Variants in TEKT5 observed in about 807,000 individuals in gnomAD.
TEKT5 encodes the protein tektin 5.
TEKT5 carries 52 observed loss-of-function variants against 48.7 expected under a neutral mutation model. The observed-to-expected ratio is 1.07, with a 90% confidence interval of 0.86 to 1.35. The LOEUF (loss-of-function observed/expected upper bound fraction) is 1.35, where lower values mean the gene tolerates loss of function less well. Ranked by LOEUF, TEKT5 falls within the 40% of genes most tolerant of loss-of-function variation. TEKT5 has a pLI of 0.00. For synonymous variants in TEKT5, 318 were observed against 267.6 expected (o/e 1.19, Z -1.84); for missense variants, 831 against 641.6 (o/e 1.30, Z -3.19).
chr16:10,654,073 G>A (rs915390004), intron 5 of TEKT5, among the ~76,000 whole-genome samples: 1 of 151,970 alleles, frequency 6.6e-6, no homozygotes, highest in African/African-American at 2.4e-5. Context: ...TTTTTTGAGA[G>A]AGGTTCTCAC....
chr16:10,691,873 G>A (rs540135089), intron 1 of TEKT5, among the ~76,000 whole-genome samples: 59 of 151,638 alleles, frequency 3.9e-4, no homozygotes, highest in South Asian at 8.4e-4. Context: ...GCGTGGACCC[G>A]GGAGGCGGAG....
In TEKT5 at chr16:10,635,781, C is replaced by G; in HGVS notation, c.1224G>C (p.Arg408Ser). 1 of 1,614,028 alleles carries G rather than the reference C, an allele frequency of 6.2e-7. No individual in the cohort carries two copies. Among genetic ancestry groups the G allele is most frequent in the Non-Finnish European group, 8.5e-7 (1 of 1,179,954 alleles). ...RTRRPNMELCRDIPQLKLVNE... is the reference protein window; with the variant it reads ...RTRRPNMELCSDIPQLKLVNE... ...TCACTTACTTCAACTGCGGGATGTCCCTGCACAGCTCCATGTTGGGGCGCC... is the reference window on the plus strand; with the variant it reads ...TCACTTACTTCAACTGCGGGATGTCGCTGCACAGCTCCATGTTGGGGCGCC... The change falls in exon 6 of 7, where the codon AGG (arginine) becomes AGC (serine). Residue 408 changes from arginine to serine, a missense_variant. Coordinates refer to ENST00000283025, the MANE Select transcript of TEKT5 (RefSeq NM_144674.2).
chr16:10,690,070 G>A, intron 1 of TEKT5, 45 bp from the exon 2 acceptor site: 1 of 1,599,494 alleles, frequency 6.3e-7, no homozygotes, highest in Non-Finnish European at 8.5e-7. Context: ...GTAGCTGTAT[G>A]TAGACCCTGA....
chr16:10,690,803 C>T (rs945846045), intron 1 of TEKT5: 2 of 984,914 alleles, frequency 2.0e-6, no homozygotes, highest in African/African-American at 3.5e-5. Flanking sequence ...AGCAAACCAG[C>T]CCGTGATGTC....
chr16:10,659,139 T>C (rs533268230), intron 5 of TEKT5, among the ~76,000 whole-genome samples: 52 of 152,250 alleles, frequency 3.4e-4, no homozygotes, highest in African/African-American at 1.2e-3. Context: ...ACAACCACAT[T>C]GCGAAATATC....
chr16:10,637,482 GA>G (rs1250303469), intron 5 of TEKT5, among the ~76,000 whole-genome samples: 2 of 148,018 alleles, frequency 1.4e-5, no homozygotes, highest in South Asian at 2.1e-4. Context: ...AAGGGAGGGA[GA>G]AAGGAAGGCA....
intron 5 of TEKT5, among the ~76,000 whole-genome samples, chr16:10,644,287 A>G: frequency 6.6e-6 from 1 of 152,204 alleles, no homozygotes; most frequent in East Asian, 1.9e-4. Context: ...TATGAAGTCA[A>G]CTGAGGCCCA....
chr16:10,635,641 A>T, intron 6 of TEKT5, 123 bp downstream of exon 6: 1 of 1,414,716 alleles, frequency 7.1e-7, no homozygotes, highest in Non-Finnish European at 9.6e-7. Flanking sequence ...GTGGGACTGG[A>T]TGTCCTGATT....
rs557140533 is a variant in TEKT5 at position 10,653,214 on chromosome 16, G to C, written c.1087-17296C>G. 1.3e-5 allele frequency among the ~76,000 whole-genome samples: 2 copies of C among 152,344 alleles called. 1 individual carries two copies. Among genetic ancestry groups the C allele is most frequent in the South Asian group, 4.1e-4 (2 of 4,824 alleles). ...CCCATGGGAGGAGTCCTGGCATCCTGGGTCTGGCAGCCAGCCCTGCCTTCC... is the reference window on the plus strand; with the variant it reads ...CCCATGGGAGGAGTCCTGGCATCCTCGGTCTGGCAGCCAGCCCTGCCTTCC... On this transcript the variant is annotated intron_variant, in intron 5 of 6. Transcript: ENST00000283025.
chr16:10,694,850 C>T lies in TEKT5; in HGVS notation c.24G>A (p.Gln8=). Residue 8 remains glutamine (Q), a synonymous_variant, in exon 1 of 7, where the codon CAG becomes CAA. Coordinates refer to ENST00000283025, the MANE Select transcript of TEKT5 (RefSeq NM_144674.2). MEFLGTT[Q]TASYCGPKKC... ...TCTTGGGACCACAGTAACTGGCGGT[C>T]TGAGTAGTCCCAAGAAACTCCATCC... 4 of 1,572,866 alleles carry T rather than the reference C, an allele frequency of 2.5e-6. No homozygotes were observed. The highest frequency in any genetic ancestry group is 3.4e-6 in the Non-Finnish European group (4 of 1,162,294).
intron 1 of TEKT5, 30 bp from the exon 2 acceptor site, chr16:10,690,055 T>C: frequency 6.2e-7 from 1 of 1,610,260 alleles, no homozygotes. Flanking sequence ...GAACGTATTC[T>C]TCCTGTAGCT....
At position 10,694,786 on chromosome 16, in the gene TEKT5, G is replaced by C; in HGVS notation, c.88C>G (p.Pro30Ala). 1 of 1,613,710 alleles carries C rather than the reference G, an allele frequency of 6.2e-7. No homozygotes were observed. The highest frequency in any genetic ancestry group is 8.5e-7 in the Non-Finnish European group (1 of 1,179,802). Residue 30 changes from proline (P) to alanine (A), a missense_variant, in exon 1 of 7, where the codon CCA (proline) becomes GCA (alanine). By Grantham distance (27) the Pro-to-Ala change is conservative. Transcript: ENST00000283025. Reference protein sequence around the residue: ...GLTSLPAVQAPVIQECYQPYY... With the variant: ...GLTSLPAVQAAVIQECYQPYY... ...GGCTGATAGCATTCCTGGATCACTG[G>C]CGCCTGTACAGCTGGCAGTGAGGTC...
At chr16:10,687,966 C>G (rs1194986700) in intron 3 of TEKT5, among the ~76,000 whole-genome samples, 2 of 152,166 alleles carry the variant, frequency 1.3e-5, no homozygotes, top group African/African-American at 4.8e-5. Flanking sequence ...TTTATCATTT[C>G]TTTGTGTTAC....
chr16:10,666,978 C>CT (rs201657619), intron 5 of TEKT5, among the ~76,000 whole-genome samples: 4,212 of 124,094 alleles, frequency 0.034, 249 homozygotes, highest in African/African-American at 0.1. Flanking sequence ...TGGCTCCTTA[C>CT]TTTTTTTTTT....
chr16:10,633,539 G>GA (rs896112434), intron 6 of TEKT5, among the ~76,000 whole-genome samples: 86 of 152,162 alleles, frequency 5.7e-4, no homozygotes, highest in African/African-American at 2.0e-3. Context: ...CAGGGCTGAA[G>GA]ACCTAGCAAG....
intron 6 of TEKT5, among the ~76,000 whole-genome samples, chr16:10,628,311 A>T (rs1263103226): frequency 6.6e-6 from 1 of 152,242 alleles, no homozygotes; most frequent in Non-Finnish European, 1.5e-5. Context: ...GTCAAGGGTA[A>T]TGTACACAAA....
Position 10,676,633 on chromosome 16 carries a change from C to T in TEKT5, c.864-452G>A, listed in dbSNP as rs148847107. On this transcript the variant is annotated intron_variant, in intron 4 of 6. Transcript: ENST00000283025. ...CAACGTGGACAAGCCAAGAAGCAGG[C>T]TTTGGGCCTGCTTCTTCATTGGGGT... Among the ~76,000 whole-genome samples, 16 of 152,306 alleles carry T rather than the reference C, an allele frequency of 1.1e-4. No homozygotes were observed. In the East Asian group the frequency reaches 2.1e-3, roughly 20 times the overall value.
chr16:10,645,884 CTT>C, intron 5 of TEKT5, among the ~76,000 whole-genome samples: 1 of 152,170 alleles, frequency 6.6e-6, no homozygotes, highest in Non-Finnish European at 1.5e-5. Context: ...AATTCCAGCA[CTT>C]TGCGGGGCAC....
intron 3 of TEKT5, among the ~76,000 whole-genome samples, chr16:10,684,983 G>T (rs566946759): frequency 6.6e-6 from 1 of 152,356 alleles, no homozygotes; most frequent in East Asian, 1.9e-4. Flanking sequence ...CCCCAAGGGG[G>T]TGAGGACACA....
Sources: gnomAD v4.1 joint callset for allele counts (sites outside exome capture counted in the v4.1 genomes callset) on GRCh38, gnomAD v4.1.1 for gene constraint, MANE v1.5 for transcripts, NCBI Gene and HGNC (gene_info 2026-07-23, HGNC 2026-07-21) for gene names.